The following ADAD1 variants were observed in gnomAD, a reference collection of about 807,000 sequenced individuals.
The protein encoded by ADAD1 is adenosine deaminase domain containing 1.
In ADAD1, 46 loss-of-function variants were observed where a neutral mutation model predicts 66.8. The ratio of observed to expected loss-of-function variants is 0.69; its 90% CI spans 0.54 to 0.88. ADAD1 has a LOEUF of 0.88. Ranked by LOEUF, ADAD1 falls within the 40% of genes least tolerant of loss-of-function variation. ADAD1 has a pLI of 0.00. For missense variants in ADAD1, 617 were observed against 681.8 expected (o/e 0.91, Z 1.06); for synonymous variants, 248 against 229.4 (o/e 1.08, Z -0.73).
chr4:122,401,606 G>A (rs977387921), intron 7 of ADAD1, among the ~76,000 whole-genome samples: 15 of 151,868 alleles, frequency 9.9e-5, no homozygotes, highest in Admixed American at 2.0e-4. Context: ...TAAAGTCCCC[G>A]ACTATTATTG....
chr4:122,379,808 AG>A, intron 2 of ADAD1: 1 of 371,506 alleles, frequency 2.7e-6, no homozygotes, highest in Non-Finnish European at 4.8e-6. Context: ...GGTCTTTTAC[AG>A]GGACCTCTCT....
At chr4:122,392,284 G>A (rs1004997325) in intron 5 of ADAD1, among the ~76,000 whole-genome samples, 2 of 152,058 alleles carry the variant, frequency 1.3e-5, no homozygotes, top group Non-Finnish European at 2.9e-5. Flanking sequence ...CAACAGCAAA[G>A]ACATCAAATC....
chr4:122,403,595 C>CTGT (rs1796073323), intron 7 of ADAD1, among the ~76,000 whole-genome samples: 1 of 152,016 alleles, frequency 6.6e-6, no homozygotes, highest in Non-Finnish European at 1.5e-5. Context: ...TTACGAGTTG[C>CTGT]TGTAATGGCT....
At position 122,408,049 on chromosome 4, in the gene ADAD1, T is replaced by G; in HGVS notation, c.848+18T>G. 1 of 1,597,444 alleles carries G rather than the reference T, an allele frequency of 6.3e-7. No individual in the cohort carries two copies. The highest frequency in any genetic ancestry group is 1.1e-5 in the South Asian group (1 of 88,270). ...CTTCTTAGGTAAGACAATACATATA[T>G]TAATGTTATTAAATATGAATGCCCT... On this transcript the variant is annotated intron_variant, in intron 8 of 12. Coordinates refer to ENST00000296513, the MANE Select transcript of ADAD1 (RefSeq NM_139243.4).
At position 122,415,536 on chromosome 4, in the gene ADAD1, T is replaced by C. The variant is rs1796691416; in HGVS notation, c.1407T>C (p.Tyr469=). 1 of 1,613,846 alleles carries C rather than the reference T, an allele frequency of 6.2e-7. No individual in the cohort carries two copies. The highest frequency in any genetic ancestry group is 1.7e-5 in the Admixed American group (1 of 59,996). ...SAYPLQMNLE[Y]KFLSLNWAQG... ...ATCCCCTTCAAATGAACTTGGAATA[T>C]AAATTTCTGAGTCTGAATTGGGCAC... Residue 469 remains tyrosine (Y), a synonymous_variant, in exon 11 of 13, where the codon TAT becomes TAC. Transcript: ENST00000296513.
Position 122,410,446 on chromosome 4 carries a change from G to A in ADAD1, c.849-776G>A, listed in dbSNP as rs143413161. Among the ~76,000 whole-genome samples the A allele has an allele frequency of 1.1e-4, 17 of 152,126 alleles. No individual in the cohort carries two copies. The East Asian group carries it at 3.1e-3, about 28-fold the overall frequency. On this transcript the variant is annotated intron_variant, in intron 8 of 12. Transcript: ENST00000296513. ...GTATTTGTCCTTGATTTGATTAGTT[G>A]TAGTCTTTCAGGAGATCTGCTTCCC...
chr4:122,400,540 C>T (rs1795926134), intron 7 of ADAD1, among the ~76,000 whole-genome samples: 1 of 151,908 alleles, frequency 6.6e-6, no homozygotes, highest in South Asian at 2.1e-4. Context: ...GGGATCATTC[C>T]CTCTTTCTCC....
chr4:122,400,996 TG>T, intron 7 of ADAD1, among the ~76,000 whole-genome samples: 1 of 152,122 alleles, frequency 6.6e-6, no homozygotes, highest in Non-Finnish European at 1.5e-5. Flanking sequence ...GTTTCAATTT[TG>T]TTTATTTCTG....
chr4:122,405,926 G>C (rs576101946), intron 7 of ADAD1, among the ~76,000 whole-genome samples: 2 of 152,072 alleles, frequency 1.3e-5, no homozygotes, highest in South Asian at 4.2e-4. Context: ...CTTTTTGGGG[G>C]GGCTGAAAAA....
At chr4:122,395,711 G>A (rs772482578) in intron 6 of ADAD1, among the ~76,000 whole-genome samples, 5 of 151,186 alleles carry the variant, frequency 3.3e-5, no homozygotes, top group Non-Finnish European at 7.4e-5. Flanking sequence ...TATATTCTTG[G>A]TTATAAACTG....
At chr4:122,396,544 A>G (rs935606572) in intron 7 of ADAD1, among the ~76,000 whole-genome samples, 167 bp downstream of exon 7, 2 of 152,252 alleles carry the variant, frequency 1.3e-5, no homozygotes, top group East Asian at 3.8e-4. Context: ...GAGATAAAGC[A>G]CACTGACCAG....
rs190572918 is a variant in ADAD1 at position 122,382,414 on chromosome 4, C to T, written c.361+1234C>T. Reference sequence around the variant, plus strand: ...TAAACAGGCTGAAGCTTAAAGGCTCCGCATTCTGACACAGAAGACTTACTA... The same window carrying T: ...TAAACAGGCTGAAGCTTAAAGGCTCTGCATTCTGACACAGAAGACTTACTA... On this transcript the variant is annotated intron_variant, in intron 4 of 12. Coordinates refer to ENST00000296513, the MANE Select transcript of ADAD1 (RefSeq NM_139243.4). 9.2e-5 allele frequency among the ~76,000 whole-genome samples: 14 copies of T among 152,226 alleles called. No homozygotes were observed. In the East Asian group the frequency reaches 2.5e-3, roughly 27 times the overall value.
intron 12 of ADAD1, among the ~76,000 whole-genome samples, chr4:122,423,727 A>G (rs576779190): frequency 6.6e-6 from 1 of 152,096 alleles, no homozygotes; most frequent in East Asian, 1.9e-4. Flanking sequence ...GAGCCCAGAT[A>G]CAATAAGATA....
intron 11 of ADAD1, among the ~76,000 whole-genome samples, chr4:122,419,060 T>C (rs775916644): frequency 1.1e-4 from 17 of 152,224 alleles, no homozygotes; most frequent in Admixed American, 2.6e-4. Context: ...ATCATTCTGT[T>C]ATAAAGACAC....
At chr4:122,423,325 G>A (rs982131575) in intron 12 of ADAD1, among the ~76,000 whole-genome samples, 3 of 152,236 alleles carry the variant, frequency 2.0e-5, no homozygotes, top group African/African-American at 7.2e-5. Context: ...CAACTAGCAA[G>A]TTAACAAGGA....
rs551805149 is a variant in ADAD1, at chr4:122,392,946, C to T, written c.530-643C>T. On this transcript the variant is annotated intron_variant, in intron 5 of 12. Transcript: ENST00000296513. ...AATTCCAGAGAAGCAGTTCTGTTTGCTTTCTTTGTCTTTATGAATGATTCT... is the reference window on the plus strand; with the variant it reads ...AATTCCAGAGAAGCAGTTCTGTTTGTTTTCTTTGTCTTTATGAATGATTCT... 4.0e-5 allele frequency among the ~76,000 whole-genome samples: 6 copies of T among 151,864 alleles called. No individual in the cohort carries two copies. In the East Asian group the frequency reaches 1.2e-3, roughly 29 times the overall value.
intron 7 of ADAD1, among the ~76,000 whole-genome samples, chr4:122,399,751 T>C (rs75761159): frequency 0.016 from 2,466 of 151,156 alleles, 68 homozygotes; most frequent in African/African-American, 0.057. Flanking sequence ...TTTTTTTTTT[T>C]TTTTTTTAGC....
chr4:122,427,557 C>T (rs775629377), intron 12 of ADAD1, among the ~76,000 whole-genome samples: 8 of 87,056 alleles, frequency 9.2e-5, no homozygotes, highest in East Asian at 4.0e-4. Context: ...TTTCCTGATG[C>T]GGAGTCTTGC....
chr4:122,416,647 C>T (rs1560602559), intron 11 of ADAD1, among the ~76,000 whole-genome samples: 1 of 151,694 alleles, frequency 6.6e-6, no homozygotes, highest in African/African-American at 2.4e-5. Context: ...ACAGGAGGAT[C>T]ACTTGAACCT....
Sources: allele counts gnomAD v4.1 joint callset (sites outside exome capture counted in the v4.1 genomes callset), GRCh38; gene constraint gnomAD v4.1.1; transcripts MANE v1.5; gene names NCBI Gene and HGNC (gene_info 2026-07-23, HGNC 2026-07-21).